The following GALNT3 variants were observed in gnomAD, a reference collection of about 807,000 sequenced individuals.
GALNT3 encodes the protein GalNAc transferase 3.
GALNT3 carries 51 observed loss-of-function variants against 69.8 expected under a neutral mutation model. The ratio of observed to expected loss-of-function variants is 0.73; its 90% CI spans 0.58 to 0.92. The LOEUF is 0.92. Ranked by LOEUF, GALNT3 falls within the 40% of genes least tolerant of loss-of-function variation. The pLI is 0.00. For missense variants in GALNT3, 711 were observed against 760.0 expected (o/e 0.94, Z 0.76); for synonymous variants, 265 against 248.5 (o/e 1.07, Z -0.63).
At position 165,787,586 on chromosome 2, in the gene GALNT3, A is replaced by G. The variant is rs565363071; in HGVS notation, c.-109+6429T>C. On this transcript the variant is annotated intron_variant, in intron 1 of 10. Coordinates refer to ENST00000392701, the MANE Select transcript of GALNT3 (RefSeq NM_004482.4). ...CCAGGCAAGAGATGATGATAGAGAT[A>G]GGAATGAATAAAAGTAGATGGATTT... 1.6e-4 allele frequency among the ~76,000 whole-genome samples: 25 copies of G among 152,348 alleles called. 1 individual carries two copies. The highest frequency in any genetic ancestry group is 3.4e-3 in the Middle Eastern group (1 of 294).
rs1049611003 is a variant in GALNT3, at chr2:165,776,919, A to G, written c.-108-6111T>C. Among the ~76,000 whole-genome samples the G allele has an allele frequency of 1.1e-4, 16 of 152,314 alleles. 1 individual carries two copies. The highest frequency in any genetic ancestry group is 2.9e-4 in the African/African-American group (12 of 41,568). On this transcript the variant is annotated intron_variant, in intron 1 of 10. Transcript: ENST00000392701. ...AATCACCTGGGGATCTTGTTTAAAC[A>G]CAAATTGAGAAGGGAAAATATCAAG...
At chr2:165,767,867 A>ATT (rs1559000460) in intron 2 of GALNT3, among the ~76,000 whole-genome samples, 5 of 136,254 alleles carry the variant, frequency 3.7e-5, no homozygotes, top group Non-Finnish European at 3.1e-5. Flanking sequence ...TAAAAAACAA[A>ATT]TCTTTTTTTT....
chr2:165,781,269 G>C (rs763401994), intron 1 of GALNT3, among the ~76,000 whole-genome samples: 6 of 152,124 alleles, frequency 3.9e-5, no homozygotes, highest in Non-Finnish European at 7.4e-5. Flanking sequence ...GGTTGAGGTA[G>C]CATATTCAAA....
At chr2:165,756,810 CA>C (rs1688450631) in intron 7 of GALNT3, among the ~76,000 whole-genome samples, 1 of 152,048 alleles carries the variant, frequency 6.6e-6, no homozygotes, top group Non-Finnish European at 1.5e-5. Flanking sequence ...AGGGCAGCAA[CA>C]AAAATGAACT....
intron 1 of GALNT3, among the ~76,000 whole-genome samples, chr2:165,778,952 C>A (rs1683040848): frequency 6.6e-6 from 1 of 151,954 alleles, no homozygotes; most frequent in African/African-American, 2.4e-5. Flanking sequence ...ATGTGTGGAT[C>A]TGAGGAGAGA....
chr2:165,752,319 T>TA (rs1230454647), intron 9 of GALNT3, among the ~76,000 whole-genome samples: 1 of 152,128 alleles, frequency 6.6e-6, no homozygotes, highest in Non-Finnish European at 1.5e-5. Context: ...CCTCACCTCT[T>TA]AAAATAACCA....
chr2:165,771,780 T>C (rs942846417), intron 1 of GALNT3: 2 of 152,174 alleles, frequency 1.3e-5, no homozygotes, highest in African/African-American at 4.8e-5. Flanking sequence ...TTTATAGCAA[T>C]GAAAATTAAC....
At position 165,770,415 on chromosome 2, in the gene GALNT3, G is replaced by T; in HGVS notation, c.286C>A (p.Pro96Thr). 1 of 1,614,162 alleles carries T rather than the reference G, an allele frequency of 6.2e-7. No homozygotes were observed. Among genetic ancestry groups the T allele is most frequent in the Non-Finnish European group, 8.5e-7 (1 of 1,180,022 alleles). ...VRQNIDAGER[P>T]CLQGYYTAAE... ...GCTGTATAATATCCTTGCAAACAAG[G>T]TCTCTCACCAGCATCAATGTTTTGC... is the stretch of plus-strand genomic sequence containing the variant. Residue 96 changes from proline (P) to threonine (T), a missense_variant, in exon 2 of 11, where the codon CCT becomes ACT. Transcript: ENST00000392701.
At chr2:165,768,997 G>A (rs964956889) in intron 2 of GALNT3, among the ~76,000 whole-genome samples, 1 of 150,350 alleles carries the variant, frequency 6.7e-6, no homozygotes, top group African/African-American at 2.4e-5. Flanking sequence ...GTTTCACCAT[G>A]TTGGCCAGGC....
chr2:165,754,782 A>T (rs1346809165), intron 8 of GALNT3, 54 bp from the exon 9 acceptor site: 1 of 1,400,292 alleles, frequency 7.1e-7, no homozygotes, highest in Non-Finnish European at 9.8e-7. Flanking sequence ...TGATTTATAT[A>T]TTTTTAAAAT....
intron 1 of GALNT3, among the ~76,000 whole-genome samples, chr2:165,789,416 T>C (rs1050384404): frequency 2.0e-5 from 3 of 152,158 alleles, no homozygotes; most frequent in African/African-American, 2.4e-5. Flanking sequence ...TACCAATACA[T>C]TGGATTTGAT....
chr2:165,783,613 C>T (rs1190451290), intron 1 of GALNT3, among the ~76,000 whole-genome samples: 1 of 152,026 alleles, frequency 6.6e-6, no homozygotes, highest in Non-Finnish European at 1.5e-5. Flanking sequence ...CATATGGTCT[C>T]TACTGCAACT....
At chr2:165,777,241 A>T (rs1482364754) in intron 1 of GALNT3, among the ~76,000 whole-genome samples, 1 of 152,136 alleles carries the variant, frequency 6.6e-6, no homozygotes, top group Non-Finnish European at 1.5e-5. Context: ...CTTACTACTG[A>T]GTTAAGGCAT....
chr2:165,776,254 C>T (rs182444882), intron 1 of GALNT3, among the ~76,000 whole-genome samples: 101 of 152,170 alleles, frequency 6.6e-4, no homozygotes, highest in Admixed American at 2.0e-3. Context: ...GGAAGCCCTA[C>T]GTAAAAACAG....
chr2:165,763,906 C>A (rs1374981014), intron 3 of GALNT3, among the ~76,000 whole-genome samples: 1 of 152,090 alleles, frequency 6.6e-6, no homozygotes, highest in Non-Finnish European at 1.5e-5. Context: ...ACCTTTTCTG[C>A]GCCTCAGTTT....
At chr2:165,790,087 T>A (rs1683312361) in intron 1 of GALNT3, among the ~76,000 whole-genome samples, 1 of 152,230 alleles carries the variant, frequency 6.6e-6, no homozygotes, top group African/African-American at 2.4e-5. Flanking sequence ...TGAACATATA[T>A]AATCTCCAGT....
In GALNT3 at chr2:165,748,717, G is replaced by A; in HGVS notation, c.*64C>T. The stretch of plus-strand genomic sequence containing the variant: ...TTGCATAATTTTCAAAAACTACAGT[G>A]TATGCCTAGTCACAGTTTTATGAGA... On this transcript the variant is annotated 3_prime_UTR_variant, in exon 11 of 11. Transcript: ENST00000392701. 1 of 1,462,638 alleles carries A rather than the reference G, an allele frequency of 6.8e-7. No homozygotes were observed. The highest frequency in any genetic ancestry group is 2.3e-5 in the East Asian group (1 of 43,436). The allele number at this position is 1,462,638 out of a possible 1,614,324, so 90.6% of individuals were successfully genotyped here.
chr2:165,769,274 C>T (rs1330311663), intron 2 of GALNT3, among the ~76,000 whole-genome samples: 1 of 146,924 alleles, frequency 6.8e-6, no homozygotes, highest in Non-Finnish European at 1.5e-5. Context: ...GACGTGGTGC[C>T]ACATGCCTGT....
rs1405055666 is a variant in GALNT3, at chr2:165,749,872, T to C, written c.1649A>G (p.His550Arg). 1.9e-6 allele frequency: 3 copies of C among 1,613,514 alleles called. No individual in the cohort carries two copies. The highest frequency in any genetic ancestry group is 2.5e-6 in the Non-Finnish European group (3 of 1,179,614). The change falls in exon 10 of 11, where the codon CAT becomes CGT. Residue 550 changes from histidine to arginine, a missense_variant. Physicochemically the swap from His to Arg is conservative, Grantham distance 29. Coordinates refer to ENST00000392701, the MANE Select transcript of GALNT3 (RefSeq NM_004482.4). ...GNQYFEYSAQHEIRHNIQKEL... is the reference protein window; with the variant it reads ...GNQYFEYSAQREIRHNIQKEL... ...CTTCTGGATGTTGTGCCGAATTTCA[T>C]GTTGAGCAGAGTATTCAAAGTACTA...
Sources: gnomAD v4.1 joint callset for allele counts (sites outside exome capture counted in the v4.1 genomes callset) on GRCh38, gnomAD v4.1.1 for gene constraint, MANE v1.5 for transcripts, NCBI Gene and HGNC (gene_info 2026-07-23, HGNC 2026-07-21) for gene names.